CAB39: variants seen among roughly 807,000 people sequenced by gnomAD.
CAB39 encodes calcium binding protein 39.
Under a neutral mutation model 40.0 loss-of-function variants are expected in CAB39, and 8 were observed. The ratio of observed to expected loss-of-function variants is 0.20; its 90% CI spans 0.12 to 0.36. CAB39 has a LOEUF of 0.36. CAB39 is among the 10% of genes least tolerant of loss of function. The pLI is 1.00. For missense variants in CAB39, 270 were observed against 401.1 expected, an observed-to-expected ratio of 0.67 and a Z score of 2.79; for synonymous variants, 156 against 141.6, an observed-to-expected ratio of 1.10 and a Z score of -0.72.
intron 1 of CAB39, among the ~76,000 whole-genome samples, chr2:230,740,782 A>C (rs1694862723): frequency 2.6e-5 from 4 of 152,204 alleles, no homozygotes; most frequent in Admixed American, 2.6e-4. Flanking sequence ...TGTTACTAGC[A>C]GGTCACTGGA....
chr2:230,717,562 C>T (rs74891798), intron 1 of CAB39, among the ~76,000 whole-genome samples: 21 of 152,282 alleles, frequency 1.4e-4, no homozygotes, highest in African/African-American at 4.3e-4. Flanking sequence ...ATACTTCTGC[C>T]GTCACCATTT....
At chr2:230,808,688 A>T (rs1046568527) in intron 5 of CAB39, among the ~76,000 whole-genome samples, 4 of 152,298 alleles carry the variant, frequency 2.6e-5, no homozygotes, top group African/African-American at 4.8e-5. Flanking sequence ...TTTGGGAAAA[A>T]TTGGGTAGGT....
chr2:230,743,591 A>G lies in CAB39; in HGVS notation c.-43-16368A>G, dbSNP rs116341076. On this transcript the variant is annotated intron_variant, in intron 1 of 8. Transcript: ENST00000258418. ...TTTAAACATAAGGATGTAGACCTTA[A>G]TTTTTAAACTTGACTTTATTTATGA... is the stretch of plus-strand genomic sequence containing the variant. 8.4e-3 allele frequency among the ~76,000 whole-genome samples: 1,276 copies of G among 152,326 alleles called. 9 individuals carry two copies. Among genetic ancestry groups the G allele is most frequent in the African/African-American group, 0.024 (994 of 41,582 alleles).
intron 1 of CAB39, chr2:230,725,301 CCAGCTTCTTG>C: frequency 1.9e-6 from 3 of 1,573,770 alleles, no homozygotes; most frequent in Non-Finnish European, 2.6e-6. Flanking sequence ...CCCCTTTCCT[CCAGCTTCTTG>C]CCCAGGACTT....
At chr2:230,749,280 G>A (rs536451720) in intron 1 of CAB39, among the ~76,000 whole-genome samples, 1 of 152,032 alleles carries the variant, frequency 6.6e-6, no homozygotes, top group South Asian at 2.1e-4. Flanking sequence ...TAGCTCCTGT[G>A]CCTTTTTTAG....
intron 1 of CAB39, chr2:230,725,160 A>G: frequency 1.2e-6 from 2 of 1,613,336 alleles, no homozygotes; most frequent in Admixed American, 3.3e-5. Context: ...AAGGCGTCGC[A>G]CCACTCTCGA....
rs542572784 is a variant in CAB39, at chr2:230,744,850, A to G, written c.-43-15109A>G. Among the ~76,000 whole-genome samples, 4 of 152,350 alleles carry G rather than the reference A, an allele frequency of 2.6e-5. No individual in the cohort carries two copies. The South Asian group carries it at 8.3e-4, about 32-fold the overall frequency. Reference sequence around the variant, plus strand: ...AAGTTCCTGTTTGTAAAATTAACACATAGCTTTCTGCAAGAGCTGTTGCTA... The same window carrying G: ...AAGTTCCTGTTTGTAAAATTAACACGTAGCTTTCTGCAAGAGCTGTTGCTA... On this transcript the variant is annotated intron_variant, in intron 1 of 8. Coordinates refer to ENST00000258418, the MANE Select transcript of CAB39 (RefSeq NM_016289.4).
At chr2:230,738,194 T>A (rs1158349671) in intron 1 of CAB39, among the ~76,000 whole-genome samples, 5 of 152,218 alleles carry the variant, frequency 3.3e-5, no homozygotes, top group Non-Finnish European at 7.4e-5. Flanking sequence ...TAGTCTTCCA[T>A]GGATTTAAGT....
chr2:230,720,162 G>A lies in CAB39; in HGVS notation c.-44+6932G>A, dbSNP rs576142952. 2.4e-4 allele frequency among the ~76,000 whole-genome samples: 36 copies of A among 152,316 alleles called. No homozygotes were observed. The South Asian group carries it at 7.5e-3, about 32-fold the overall frequency. Reference sequence around the variant, plus strand: ...ATTGTGTTGTAAAGTTGGGCGAGTTGTGTGTTTTAGGGGAAGGAAAAACAT... The same window carrying A: ...ATTGTGTTGTAAAGTTGGGCGAGTTATGTGTTTTAGGGGAAGGAAAAACAT... On this transcript the variant is annotated intron_variant, in intron 1 of 8. Coordinates refer to ENST00000258418, the MANE Select transcript of CAB39 (RefSeq NM_016289.4).
At chr2:230,761,306 C>A (rs1437613647) in intron 2 of CAB39, among the ~76,000 whole-genome samples, 1 of 152,178 alleles carries the variant, frequency 6.6e-6, no homozygotes, top group Non-Finnish European at 1.5e-5. Context: ...GCATCATCAT[C>A]ATTCCTGACT....
chr2:230,813,886 T>G (rs1575965532), intron 6 of CAB39, 163 bp from the exon 7 acceptor site: 2 of 529,430 alleles, frequency 3.8e-6, no homozygotes, highest in Non-Finnish European at 6.5e-6. Context: ...GAGGAAGACA[T>G]GAAAGAGAGT....
intron 2 of CAB39, among the ~76,000 whole-genome samples, chr2:230,782,805 C>CTTTTTT (rs1559609011): frequency 2.8e-5 from 3 of 108,440 alleles, no homozygotes; most frequent in African/African-American, 1.1e-4. Context: ...TTCTTTCTTT[C>CTTTTTT]TTTCTTTCTT....
intron 1 of CAB39, among the ~76,000 whole-genome samples, chr2:230,717,003 A>G (rs1694362274): frequency 6.6e-6 from 1 of 152,162 alleles, no homozygotes; most frequent in African/African-American, 2.4e-5. Context: ...CATCTCAAAA[A>G]ATGTATATAT....
At chr2:230,779,291 T>A (rs553051407) in intron 2 of CAB39, 2 of 152,362 alleles carry the variant, frequency 1.3e-5, no homozygotes, top group African/African-American at 4.8e-5. Flanking sequence ...TGTGCTCTTT[T>A]GGAGCCTCCA....
chr2:230,777,988 AC>A (rs1394624506), intron 2 of CAB39, among the ~76,000 whole-genome samples: 2 of 152,202 alleles, frequency 1.3e-5, no homozygotes, highest in African/African-American at 4.8e-5. Context: ...TTATTTTCCT[AC>A]CAGTGGCGTA....
At chr2:230,763,213 G>A (rs991277878) in intron 2 of CAB39, among the ~76,000 whole-genome samples, 51 of 152,264 alleles carry the variant, frequency 3.3e-4, no homozygotes, top group African/African-American at 1.2e-3. Flanking sequence ...TCCGTGTCTG[G>A]CTTAATAGAA....
chr2:230,772,765 G>A (rs1039984993), intron 2 of CAB39, among the ~76,000 whole-genome samples: 6 of 152,212 alleles, frequency 3.9e-5, no homozygotes, highest in African/African-American at 1.2e-4. Flanking sequence ...GATTACAGGC[G>A]TGAGACACCA....
intron 5 of CAB39, among the ~76,000 whole-genome samples, chr2:230,801,011 G>A (rs1010846815): frequency 6.6e-6 from 1 of 152,112 alleles, no homozygotes; most frequent in African/African-American, 2.4e-5. Flanking sequence ...TTGATAAAGA[G>A]GAAGCTTCAT....
chr2:230,796,447 T>A (rs1695989121), intron 4 of CAB39, among the ~76,000 whole-genome samples: 2 of 152,132 alleles, frequency 1.3e-5, no homozygotes, highest in African/African-American at 2.4e-5. Context: ...TGGTTTATGG[T>A]TTAATCGTTT....
Sources: allele counts gnomAD v4.1 joint callset (sites outside exome capture counted in the v4.1 genomes callset), GRCh38; gene constraint gnomAD v4.1.1; transcripts MANE v1.5; gene names NCBI Gene and HGNC (gene_info 2026-07-23, HGNC 2026-07-21).